The following NLN variants were observed in gnomAD, a reference collection of about 807,000 sequenced individuals.
NLN encodes the protein neurolysin, mitochondrial.
In NLN, 64 loss-of-function variants were observed where a neutral mutation model predicts 79.9. That is an observed-to-expected ratio of 0.80 (90% CI 0.65 to 0.99). The LOEUF is 0.99. Among genes scored for constraint, NLN ranks in the 50% least tolerant of loss-of-function variants. The probability of loss-of-function intolerance (pLI) is 0.00; values close to 1 mark genes in which losing one functional copy is unlikely to be tolerated. For synonymous variants in NLN, 267 were observed against 296.6 expected (o/e 0.90, Z 1.02); for missense variants, 835 against 858.7 (o/e 0.97, Z 0.34).
intron 1 of NLN, among the ~76,000 whole-genome samples, chr5:65,756,437 G>A (rs373029963): frequency 3.9e-5 from 6 of 151,900 alleles, no homozygotes; most frequent in African/African-American, 2.4e-5. Flanking sequence ...AAATCATTCC[G>A]ATTCCTCCTA....
intron 12 of NLN, among the ~76,000 whole-genome samples, chr5:65,821,069 A>C (rs7728906): frequency 0.1 from 15,595 of 149,866 alleles, 995 homozygotes; most frequent in Admixed American, 0.2. Flanking sequence ...GAAAAGAGAG[A>C]AAGAAAAGGA....
At chr5:65,746,176 G>C (rs1758974741) in intron 1 of NLN, among the ~76,000 whole-genome samples, 1 of 151,974 alleles carries the variant, frequency 6.6e-6, no homozygotes, top group Non-Finnish European at 1.5e-5. Context: ...CCATAGAACT[G>C]AATCCTGAAG....
At position 65,826,635 on chromosome 5, in the gene NLN, T is replaced by C. The variant is rs1760925221; in HGVS notation, c.*3720T>C. The C allele has an allele frequency of 6.6e-6, 1 of 152,230 alleles. No homozygotes were observed. Among genetic ancestry groups the C allele is most frequent in the Non-Finnish European group, 1.5e-5 (1 of 68,060 alleles). The allele number at this position is 152,230 out of a possible 1,614,324, so 9.4% of individuals were successfully genotyped here. On this transcript the variant is annotated 3_prime_UTR_variant, in exon 13 of 13. Coordinates refer to ENST00000380985, the MANE Select transcript of NLN (RefSeq NM_020726.5). The stretch of plus-strand genomic sequence containing the variant: ...AAAAGCAACAAAGAAATGAATGTGG[T>C]GGCTCACACCTGTAATCCTAACACT...
At chr5:65,756,199 T>G (rs1759214612) in intron 1 of NLN, among the ~76,000 whole-genome samples, 1 of 152,170 alleles carries the variant, frequency 6.6e-6, no homozygotes, top group South Asian at 2.1e-4. Context: ...TGCTTTTCTC[T>G]TCTCACTCTG....
intron 1 of NLN, among the ~76,000 whole-genome samples, chr5:65,736,644 G>A (rs1758734128): frequency 6.6e-6 from 1 of 151,680 alleles, no homozygotes; most frequent in African/African-American, 2.4e-5. Context: ...ATATATATTT[G>A]CTGTGTTACT....
At chr5:65,804,576 T>C (rs1466676881) in intron 9 of NLN, among the ~76,000 whole-genome samples, 2 of 152,154 alleles carry the variant, frequency 1.3e-5, no homozygotes, top group East Asian at 1.9e-4. Flanking sequence ...GTTGCTCAGG[T>C]TGGAGTCCAG....
intron 12 of NLN, 136 bp from the exon 13 acceptor site, chr5:65,822,645 G>C: frequency 1.5e-6 from 1 of 669,648 alleles, no homozygotes; most frequent in East Asian, 2.7e-5. Context: ...AGCTGTTTGT[G>C]AGCAAGAGAA....
At chr5:65,742,155 A>G (rs1210732641) in intron 1 of NLN, among the ~76,000 whole-genome samples, 4 of 152,204 alleles carry the variant, frequency 2.6e-5, no homozygotes, top group African/African-American at 4.8e-5. Context: ...TTTATTTACA[A>G]TGAAATTTGG....
At chr5:65,797,656 A>G (rs1760200007) in intron 9 of NLN, among the ~76,000 whole-genome samples, 1 of 152,226 alleles carries the variant, frequency 6.6e-6, no homozygotes. Flanking sequence ...AACCAAGCAT[A>G]TGTGAAAAGG....
rs565303382 is a variant in NLN at position 65,723,679 on chromosome 5, G to C, written c.41+1265G>C. 1.9e-3 allele frequency among the ~76,000 whole-genome samples: 284 copies of C among 151,426 alleles called. 3 individuals are homozygous for C. Among genetic ancestry groups the C allele is most frequent in the African/African-American group, 6.8e-3 (280 of 41,288 alleles). The stretch of plus-strand genomic sequence containing the variant: ...AAATACAAAAAATTAGCCGGGCGTG[G>C]TGGCGGGCGCCTGTAGTCCCAGCTA... On this transcript the variant is annotated intron_variant, in intron 1 of 12. Coordinates refer to ENST00000380985, the MANE Select transcript of NLN (RefSeq NM_020726.5).
rs1760962753 is a variant in NLN at position 65,828,565 on chromosome 5, CAATT to C, written c.*5653_*5656del. On this transcript the variant is annotated 3_prime_UTR_variant, in exon 13 of 13. Coordinates refer to ENST00000380985, the MANE Select transcript of NLN (RefSeq NM_020726.5). ...TATTGCTTCAGAAACCAAATGGAAA[CAATT>C]AAATTCCATTAGAGAAACGGTTGGA... 6.6e-6 allele frequency: 1 copy of C among 152,092 alleles called. No homozygotes were observed. Among genetic ancestry groups the C allele is most frequent in the Admixed American group, 6.5e-5 (1 of 15,272 alleles). 9.4% of individuals were successfully genotyped at this position (152,092 alleles called of 1,614,324 possible). A position where few individuals can be genotyped will look rare whatever the true frequency, so the allele number is the denominator to read the frequency against.
intron 7 of NLN, 188 bp downstream of exon 7, chr5:65,786,098 T>A: frequency 8.5e-6 from 4 of 469,656 alleles, no homozygotes; most frequent in Non-Finnish European, 1.5e-5. Flanking sequence ...ATATTGCTAG[T>A]ATAGGCCTGG....
chr5:65,748,027 C>T (rs1650303988), intron 1 of NLN, among the ~76,000 whole-genome samples: 1 of 152,114 alleles, frequency 6.6e-6, no homozygotes. Context: ...ATGGTGAAAC[C>T]CCGTCTCTAC....
chr5:65,770,723 G>C (rs940451875), intron 3 of NLN, among the ~76,000 whole-genome samples: 2 of 152,178 alleles, frequency 1.3e-5, no homozygotes, highest in Non-Finnish European at 2.9e-5. Context: ...TATTGAACAA[G>C]TGTTCATAGC....
rs1431034024 is a variant in NLN, at chr5:65,777,333, C to T, written c.451-94C>T. The T allele has an allele frequency of 1.3e-5, 11 of 831,692 alleles. 1 individual carries two copies. Among genetic ancestry groups the T allele is most frequent in the South Asian group, 4.3e-5 (3 of 69,720 alleles). 51.5% of individuals were successfully genotyped at this position (831,692 alleles called of 1,614,324 possible). A position where few individuals can be genotyped will look rare whatever the true frequency, so the allele number is the denominator to read the frequency against. On this transcript the variant is annotated intron_variant, in intron 3 of 12. Coordinates refer to ENST00000380985, the MANE Select transcript of NLN (RefSeq NM_020726.5). ...ATCACCTATGTGCTTCATAACCCAA[C>T]GGAGATGATGAATAAATTTGCTGTG...
Position 65,809,559 on chromosome 5 carries a change from T to C in NLN, c.1572T>C (p.Phe524=). 6.2e-7 allele frequency: 1 copy of C among 1,611,476 alleles called. No individual in the cohort carries two copies. The highest frequency in any genetic ancestry group is 8.5e-7 in the Non-Finnish European group (1 of 1,179,374). Residue 524 remains phenylalanine, a synonymous_variant, in exon 10 of 13, where the codon TTT becomes TTC. Transcript: ENST00000380985. ...GCGGAACAAATGTGGAAACTGACTT[T>C]GTAGAGGTGCCATCGCAAATGCTTG... is the stretch of plus-strand genomic sequence containing the variant. ...RFSGTNVETD[F]VEVPSQMLEN...
chr5:65,788,058 T>A, intron 7 of NLN, 60 bp from the exon 8 acceptor site: 1 of 1,537,620 alleles, frequency 6.5e-7, no homozygotes, highest in South Asian at 1.2e-5. Flanking sequence ...ACAGGTGGTA[T>A]TTATGAGTAT....
intron 1 of NLN, among the ~76,000 whole-genome samples, chr5:65,725,377 C>T (rs1758446301): frequency 6.6e-6 from 1 of 152,204 alleles, no homozygotes; most frequent in African/African-American, 2.4e-5. Context: ...GAAACTATAT[C>T]AATGTACTTG....
At chr5:65,796,582 A>C (rs1400026602) in intron 9 of NLN, among the ~76,000 whole-genome samples, 2 of 152,236 alleles carry the variant, frequency 1.3e-5, no homozygotes, top group Non-Finnish European at 2.9e-5. Context: ...TCATATCTTC[A>C]TGAGATTATC....
Sources: gnomAD v4.1 joint callset for allele counts (sites outside exome capture counted in the v4.1 genomes callset) on GRCh38, gnomAD v4.1.1 for gene constraint, MANE v1.5 for transcripts, NCBI Gene and HGNC (gene_info 2026-07-23, HGNC 2026-07-21) for gene names.